The following SLC15A4 variants were observed in gnomAD, a reference collection of about 807,000 sequenced individuals.
SLC15A4 encodes hPHT1.
In SLC15A4, 26 loss-of-function variants were observed where a neutral mutation model predicts 46.1. The ratio of observed to expected loss-of-function variants is 0.56; its 90% CI spans 0.41 to 0.78. SLC15A4 has a LOEUF of 0.78. SLC15A4 is among the 30% of genes least tolerant of loss of function. The probability of loss-of-function intolerance (pLI) is 0.00; values close to 1 mark genes in which losing one functional copy is unlikely to be tolerated. For missense variants in SLC15A4, 751 were observed against 755.7 expected (o/e 0.99, Z 0.07); for synonymous variants, 370 against 333.4 (o/e 1.11, Z -1.20).
Position 128,800,866 on chromosome 12 carries a change from C to A in SLC15A4, c.1402G>T (p.Ala468Ser). 1 of 1,611,336 alleles carries A rather than the reference C, an allele frequency of 6.2e-7. No individual in the cohort carries two copies. ...YLLIGISEIF[A>S]SIAGLEFAYS... Reference sequence around the variant, plus strand: ...TAAAGGTCCTCACCTGCGATACTTGCAAAGATCTCGCTGATCCCAATCAGC... The same window carrying A: ...TAAAGGTCCTCACCTGCGATACTTGAAAAGATCTCGCTGATCCCAATCAGC... Residue 468 changes from alanine (A) to serine (S), a missense_variant, in exon 6 of 8, where the codon GCA (alanine) becomes TCA (serine). Physicochemically the swap from Ala to Ser is moderately conservative, Grantham distance 99. Transcript: ENST00000266771.
At chr12:128,816,420 A>T (rs1359201305) in intron 1 of SLC15A4, among the ~76,000 whole-genome samples, 1 of 152,234 alleles carries the variant, frequency 6.6e-6, no homozygotes, top group Admixed American at 6.5e-5. Context: ...CTACTGTCTC[A>T]TTCTTAAGTC....
intron 7 of SLC15A4, among the ~76,000 whole-genome samples, chr12:128,798,220 A>C (rs1409292005): frequency 6.6e-6 from 1 of 152,232 alleles, no homozygotes; most frequent in Non-Finnish European, 1.5e-5. Flanking sequence ...CTTTGAAGGA[A>C]GTCTGTCCCA....
At chr12:128,799,552 T>C (rs1955490435) in intron 6 of SLC15A4, 135 bp from the exon 7 acceptor site, 1 of 867,824 alleles carries the variant, frequency 1.2e-6, no homozygotes. Context: ...ACAACCTCTT[T>C]TCTATTAGGA....
intron 5 of SLC15A4, among the ~76,000 whole-genome samples, chr12:128,808,515 G>C (rs1160451205): frequency 1.3e-5 from 2 of 152,110 alleles, no homozygotes; most frequent in African/African-American, 2.4e-5. Flanking sequence ...TAAATCAGTA[G>C]GTAGAGAAAA....
intron 4 of SLC15A4, 141 bp from the exon 5 acceptor site, chr12:128,809,097 A>G (rs1458961077): frequency 1.3e-6 from 1 of 771,802 alleles, no homozygotes; most frequent in African/African-American, 1.8e-5. Context: ...TTTAGAGACA[A>G]CGGAACTGGG....
At chr12:128,806,078 G>A (rs940305639) in intron 5 of SLC15A4, among the ~76,000 whole-genome samples, 2 of 150,116 alleles carry the variant, frequency 1.3e-5, no homozygotes, top group African/African-American at 4.9e-5. Context: ...GCTGAGGCAG[G>A]AGAATGGCGT....
At chr12:128,815,161 G>T in intron 1 of SLC15A4, 91 bp from the exon 2 acceptor site, 1 of 1,239,686 alleles carries the variant, frequency 8.1e-7, no homozygotes, top group Non-Finnish European at 1.1e-6. Context: ...AATTACCGTT[G>T]TCATCACAAC....
intron 2 of SLC15A4, among the ~76,000 whole-genome samples, chr12:128,811,435 A>T (rs534778628): frequency 4.0e-4 from 61 of 152,402 alleles, no homozygotes; most frequent in South Asian, 1.7e-3. Context: ...AATTTTGGAC[A>T]AGAAAACTAA....
chr12:128,796,426 T>C (rs1323343684), intron 7 of SLC15A4, among the ~76,000 whole-genome samples: 2 of 50,360 alleles, frequency 4.0e-5, no homozygotes, highest in Admixed American at 4.5e-4. Context: ...TGAAACTCCA[T>C]CTCAAAAAAA....
rs774677059 is a variant in SLC15A4 at position 128,809,383 on chromosome 12, C to T, written c.1089+13G>A. 2 of 1,543,026 alleles carry T rather than the reference C, an allele frequency of 1.3e-6. No homozygotes were observed. The highest frequency in any genetic ancestry group is 2.3e-5 in the South Asian group (2 of 87,230). ...CAAAATAACAATGTTCAGATCATTA[C>T]AATTGTTCTTACCGTGTGAGGAGTG... On this transcript the variant is annotated intron_variant, in intron 4 of 7. Coordinates refer to ENST00000266771, the MANE Select transcript of SLC15A4 (RefSeq NM_145648.4).
At chr12:128,805,681 G>A (rs911558401) in intron 5 of SLC15A4, among the ~76,000 whole-genome samples, 8 of 152,014 alleles carry the variant, frequency 5.3e-5, no homozygotes, top group South Asian at 2.1e-4. Flanking sequence ...AAAGGCATGC[G>A]CCACCACGCA....
intron 2 of SLC15A4, chr12:128,814,416 T>C (rs1955715061): frequency 4.8e-6 from 1 of 207,284 alleles, no homozygotes; most frequent in African/African-American, 2.3e-5. Context: ...TTTCAAAGCT[T>C]TTTAAAATAA....
In SLC15A4 at chr12:128,823,797, G is replaced by A. The variant is rs1009362377; in HGVS notation, c.147C>T (p.Ala49=). The change falls in exon 1 of 8, where the codon GCC becomes GCT. Residue 49 remains alanine (A), a synonymous_variant. Coordinates refer to ENST00000266771, the MANE Select transcript of SLC15A4 (RefSeq NM_145648.4). ...GGTTGGACGTGATGCCGTAGAAAGC[G>A]GCGCGCTCCAGCAGCTCCGTCAGCA... ...AVLLTELLER[A]AFYGITSNLV... 3.3e-6 allele frequency: 5 copies of A among 1,502,400 alleles called. No individual in the cohort carries two copies. The highest frequency in any genetic ancestry group is 5.6e-5 in the East Asian group (2 of 35,666). The allele number at this position is 1,502,400 out of a possible 1,614,324, so 93.1% of individuals were successfully genotyped here. A position where few individuals can be genotyped will look rare whatever the true frequency, so the allele number is the denominator to read the frequency against.
At chr12:128,804,591 A>C (rs145127247) in intron 5 of SLC15A4, among the ~76,000 whole-genome samples, 1 of 152,108 alleles carries the variant, frequency 6.6e-6, no homozygotes, top group South Asian at 2.1e-4. Flanking sequence ...TTAGCCGGGC[A>C]TGGTGGCAGG....
chr12:128,813,893 G>C (rs73149854), intron 2 of SLC15A4: 6,353 of 151,174 alleles, frequency 0.042, 187 homozygotes, highest in Non-Finnish European at 0.06. Context: ...AGATATAAGG[G>C]GTAAATTTTA....
chr12:128,797,696 C>G (rs536556794), intron 7 of SLC15A4, among the ~76,000 whole-genome samples: 6 of 152,200 alleles, frequency 3.9e-5, no homozygotes, highest in Non-Finnish European at 7.3e-5. Flanking sequence ...CAGACACCCC[C>G]GGAACCTGGC....
chr12:128,823,729 G>C lies in SLC15A4; in HGVS notation c.215C>G (p.Ala72Gly). The change falls in exon 1 of 8, where the codon GCG (alanine) becomes GGG (glycine). Residue 72 changes from alanine to glycine, a missense_variant. Transcript: ENST00000266771. ...GAGCAGCAGCGCCTCGCTGGCCTGCGCGCCCTCCCAGCAGAACGGCGCCCC... is the reference window on the plus strand; with the variant it reads ...GAGCAGCAGCGCCTCGCTGGCCTGCCCGCCCTCCCAGCAGAACGGCGCCCC... Reference protein sequence around the residue: ...LNGAPFCWEGAQASEALLLFM... With the variant: ...LNGAPFCWEGGQASEALLLFM... The C allele has an allele frequency of 6.5e-7, 1 of 1,539,554 alleles. No homozygotes were observed. Among genetic ancestry groups the C allele is most frequent in the Non-Finnish European group, 8.7e-7 (1 of 1,152,014 alleles).
chr12:128,807,505 G>A (rs1305418263), intron 5 of SLC15A4, among the ~76,000 whole-genome samples: 1 of 152,218 alleles, frequency 6.6e-6, no homozygotes, highest in Non-Finnish European at 1.5e-5. Flanking sequence ...GGGGCACAGA[G>A]AAGGCACTCC....
At chr12:128,799,167 T>C (rs1955484152) in intron 7 of SLC15A4, 92 bp downstream of exon 7, 5 of 1,479,840 alleles carry the variant, frequency 3.4e-6, no homozygotes, top group Admixed American at 1.8e-5. Context: ...GCCATCCACG[T>C]GAAAACACCT....
Sources: gnomAD v4.1 joint callset for allele counts (sites outside exome capture counted in the v4.1 genomes callset) on GRCh38, gnomAD v4.1.1 for gene constraint, MANE v1.5 for transcripts, NCBI Gene and HGNC (gene_info 2026-07-23, HGNC 2026-07-21) for gene names.